The following IL17D variants were observed in gnomAD, a reference collection of about 807,000 sequenced individuals.
IL17D encodes the protein interleukin-17D.
Under a neutral mutation model 5.7 loss-of-function variants are expected in IL17D, and 10 were observed. The observed-to-expected ratio is 1.75, with a 90% confidence interval of 1.08 to 2.97. The LOEUF is 2.97. IL17D is among the 30% of genes most tolerant of loss of function. The probability of loss-of-function intolerance (pLI) is 0.00; values close to 1 mark genes in which losing one functional copy is unlikely to be tolerated. For synonymous variants in IL17D, 172 were observed against 141.7 expected, an observed-to-expected ratio of 1.21 and a Z score of -1.52; for missense variants, 354 against 292.7, an observed-to-expected ratio of 1.21 and a Z score of -1.53.
At chr13:20,702,077 C>G (rs1473944415), upstream of IL17D, 2 of 152,174 alleles carry the variant, frequency 1.3e-5, no homozygotes, top group Non-Finnish European at 2.9e-5. Flanking sequence ...TAATGATACT[C>G]TCTTAAAAGC....
chr13:20,704,802 G>T (rs1470684896), intron 1 of IL17D, among the ~76,000 whole-genome samples: 1 of 152,072 alleles, frequency 6.6e-6, no homozygotes, highest in East Asian at 1.9e-4. Context: ...GTGCTGCTGG[G>T]GGGTGCGCGG....
intron 1 of IL17D, among the ~76,000 whole-genome samples, chr13:20,709,402 A>T (rs754314055): frequency 6.6e-6 from 1 of 152,300 alleles, no homozygotes; most frequent in South Asian, 2.1e-4. Context: ...CTACCTAAAC[A>T]TCCACCAACA....
intron 1 of IL17D, among the ~76,000 whole-genome samples, chr13:20,709,346 T>C (rs542160651): frequency 3.3e-5 from 5 of 152,106 alleles, no homozygotes; most frequent in Non-Finnish European, 4.4e-5. Flanking sequence ...AAATGATATG[T>C]GTACAAGGAT....
Position 20,704,290 on chromosome 13 carries a change from A to G in IL17D, c.289A>G (p.Arg97Gly), listed in dbSNP as rs1324966831. Reference sequence around the variant, plus strand: ...GCGCAGCGTGTCGCCCTGGGCCTACAGGTGAGCCGCGGGCGCGTCCTGGCG... The same window carrying G: ...GCGCAGCGTGTCGCCCTGGGCCTACGGGTGAGCCGCGGGCGCGTCCTGGCG... ...NLRSVSPWAY[R>G]ISYDPARYPR... is the part of the protein sequence containing the mutation. Residue 97 changes from arginine to glycine, a missense_variant and splice_region_variant, in exon 1 of 2, where the codon AGA becomes GGA. Transcript: ENST00000682841. The G allele has an allele frequency of 9.3e-7, 1 of 1,075,894 alleles. No homozygotes were observed. Among genetic ancestry groups the G allele is most frequent in the Non-Finnish European group, 1.1e-6 (1 of 894,204 alleles). 66.6% of individuals were successfully genotyped at this position (1,075,894 alleles called of 1,614,324 possible).
At chr13:20,703,211 A>T (rs1332392183), upstream of IL17D, 2 of 919,138 alleles carry the variant, frequency 2.2e-6, no homozygotes, top group Non-Finnish European at 2.6e-6. Context: ...CGCGGCTGGA[A>T]GCCCCAGTTT....
intron 1 of IL17D, among the ~76,000 whole-genome samples, chr13:20,706,040 C>T (rs2058589816): frequency 6.6e-6 from 1 of 152,134 alleles, no homozygotes; most frequent in African/African-American, 2.4e-5. Flanking sequence ...CTATGCTGTC[C>T]TGGGAAGCCA....
intron 1 of IL17D, among the ~76,000 whole-genome samples, chr13:20,715,272 G>GT (rs933319143): frequency 6.1e-4 from 92 of 151,708 alleles, no homozygotes; most frequent in African/African-American, 2.1e-3. Context: ...GGGGTGGGGG[G>GT]GACACTGATT....
intron 1 of IL17D, among the ~76,000 whole-genome samples, chr13:20,709,871 C>T (rs1396795813): frequency 2.0e-5 from 3 of 152,172 alleles, no homozygotes; most frequent in Non-Finnish European, 4.4e-5. Context: ...GGTTGAAGGG[C>T]ACCGTTTGCT....
chr13:20,713,797 G>A (rs962525809), intron 1 of IL17D: 1 of 152,202 alleles, frequency 6.6e-6, no homozygotes, highest in Non-Finnish European at 1.5e-5. Flanking sequence ...ATGAAAAACT[G>A]GCAATGAGCA....
intron 1 of IL17D, among the ~76,000 whole-genome samples, chr13:20,720,060 A>G (rs559194273): frequency 6.6e-6 from 1 of 151,718 alleles, no homozygotes; most frequent in African/African-American, 2.4e-5. Context: ...ATTTCTCTCT[A>G]TTTCTGGTAG....
intron 1 of IL17D, among the ~76,000 whole-genome samples, chr13:20,714,715 C>T (rs1437356748): frequency 2.6e-5 from 4 of 152,210 alleles, no homozygotes; most frequent in African/African-American, 9.6e-5. Flanking sequence ...CTGGGCAGAC[C>T]TCATTGCTAT....
intron 1 of IL17D, among the ~76,000 whole-genome samples, chr13:20,707,440 C>CAA (rs57118714): frequency 6.2e-4 from 47 of 75,738 alleles, no homozygotes; most frequent in East Asian, 3.3e-3. Context: ...GAACTTGTCT[C>CAA]AAAAAAAAAA....
In IL17D at chr13:20,716,237, G is replaced by C; in HGVS notation, c.291-5399G>C. On this transcript the variant is annotated intron_variant, in intron 1 of 1. Coordinates refer to ENST00000682841, the MANE Select transcript of IL17D (RefSeq NM_001385224.1). This position sits in a 1 kb window ranked among gnomAD's most constrained non-coding sequence, Gnocchi z 4.2. ...CGGATGTCTTGGTATTACCATGGTT[G>C]TATAACGTCTTGAGATCTGCTGGCG... 4.0e-6 allele frequency: 1 copy of C among 251,872 alleles called. No individual in the cohort carries two copies. The highest frequency in any genetic ancestry group is 1.5e-4 in the South Asian group (1 of 6,844). 15.6% of individuals were successfully genotyped at this position (251,872 alleles called of 1,614,324 possible).
At position 20,716,138 on chromosome 13, in the gene IL17D, G is replaced by T; in HGVS notation, c.291-5498G>T. ...ATGCCGCCTTCTTATCTCTTGCAAA[G>T]GTTAGTGTTTTTCACAGGACTCTCA... On this transcript the variant is annotated intron_variant, in intron 1 of 1. Coordinates refer to ENST00000682841, the MANE Select transcript of IL17D (RefSeq NM_001385224.1). The surrounding 1 kb of genome is among the most constrained non-coding windows in gnomAD (Gnocchi z 4.2). 1 of 983,608 alleles carries T rather than the reference G, an allele frequency of 1.0e-6. No homozygotes were observed. The highest frequency in any genetic ancestry group is 1.2e-6 in the Non-Finnish European group (1 of 828,290). The allele number at this position is 983,608 out of a possible 1,614,324, so 60.9% of individuals were successfully genotyped here. A position where few individuals can be genotyped will look rare whatever the true frequency, so the allele number is the denominator to read the frequency against.
chr13:20,720,806 C>G (rs925858732), intron 1 of IL17D, among the ~76,000 whole-genome samples: 2 of 152,014 alleles, frequency 1.3e-5, no homozygotes, highest in Non-Finnish European at 2.9e-5. Context: ...TGTCAGTCAC[C>G]GGCTTCCTCT....
chr13:20,708,121 C>A (rs570528226), intron 1 of IL17D, among the ~76,000 whole-genome samples: 3 of 152,260 alleles, frequency 2.0e-5, no homozygotes, highest in Non-Finnish European at 2.9e-5. Context: ...CCATGTTGGC[C>A]AGGCTGGTCT....
chr13:20,715,898 G>A (rs562911725), intron 1 of IL17D, among the ~76,000 whole-genome samples: 2 of 151,938 alleles, frequency 1.3e-5, no homozygotes, highest in African/African-American at 4.8e-5. Context: ...GCACCACGAC[G>A]CCTGGCTCAT....
In IL17D at chr13:20,721,670, C is replaced by T. The variant is rs1414587476; in HGVS notation, c.325C>T (p.Leu109=). 3 of 1,607,872 alleles carry T rather than the reference C, an allele frequency of 1.9e-6. No individual in the cohort carries two copies. Among genetic ancestry groups the T allele is most frequent in the Non-Finnish European group, 2.5e-6 (3 of 1,176,694 alleles). Residue 109 remains leucine (L), a synonymous_variant, in exon 2 of 2, where the codon CTG becomes TTG. Coordinates refer to ENST00000682841, the MANE Select transcript of IL17D (RefSeq NM_001385224.1). ...SYDPARYPRY[L]PEAYCLCRGC... is the part of the protein sequence containing the mutation. ...CGACCCGGCGAGGTACCCCAGGTAC[C>T]TGCCTGAAGCCTACTGCCTGTGCCG... is the stretch of plus-strand genomic sequence containing the variant.
intron 1 of IL17D, among the ~76,000 whole-genome samples, chr13:20,708,960 C>CAAAAAAA (rs59047970): frequency 3.1e-5 from 2 of 65,192 alleles, no homozygotes; most frequent in Non-Finnish European, 3.3e-5. Context: ...GACTCTGTCT[C>CAAAAAAA]AAAAAAAAAA....
Sources: gnomAD v4.1 joint callset for allele counts (sites outside exome capture counted in the v4.1 genomes callset) on GRCh38, gnomAD v4.1.1 for gene constraint, Gnocchi (gnomAD v3.1) non-coding constraint, MANE v1.5 for transcripts, NCBI Gene and HGNC (gene_info 2026-07-23, HGNC 2026-07-21) for gene names.